The following PKHD1L1 variants were observed in gnomAD, a reference collection of about 807,000 sequenced individuals.
The protein encoded by PKHD1L1 is PKHD1 like 1.
In PKHD1L1, 434 loss-of-function variants were observed where a neutral mutation model predicts 462.9. The ratio of observed to expected loss-of-function variants is 0.94; its 90% confidence interval spans 0.87 to 1.02. The LOEUF (loss-of-function observed/expected upper bound fraction) is 1.02. Ranked by LOEUF, PKHD1L1 falls within the 50% of genes least tolerant of loss-of-function variation. The pLI is 0.00. For synonymous variants in PKHD1L1, 1,781 were observed against 1,750.0 expected (o/e 1.02, Z -0.44); for missense variants, 5,202 against 5,096.1 (o/e 1.02, Z -0.63).
intron 30 of PKHD1L1, among the ~76,000 whole-genome samples, chr8:109,437,092 T>C (rs1407690314): frequency 1.3e-5 from 2 of 152,056 alleles, no homozygotes; most frequent in Non-Finnish European, 2.9e-5. Flanking sequence ...ATTTTTGTAT[T>C]TTTAGTAGAG....
intron 57 of PKHD1L1, among the ~76,000 whole-genome samples, chr8:109,484,029 C>A (rs73704031): frequency 0.015 from 2,250 of 151,894 alleles, 28 homozygotes; most frequent in Middle Eastern, 0.051. Flanking sequence ...CAGTTCCTTT[C>A]TGGTGAGAAC....
chr8:109,427,532 C>T (rs12544851), intron 25 of PKHD1L1, among the ~76,000 whole-genome samples: 45,100 of 151,890 alleles, frequency 0.3, 7,282 homozygotes, highest in Admixed American at 0.43. Context: ...CATTCTACCA[C>T]GAGAGCTGTA....
At chr8:109,428,334 A>G (rs772426289) in intron 25 of PKHD1L1, among the ~76,000 whole-genome samples, 1 of 152,198 alleles carries the variant, frequency 6.6e-6, no homozygotes, top group South Asian at 2.1e-4. Flanking sequence ...TAACTTTCAC[A>G]TTGAACACCA....
intron 10 of PKHD1L1, 24 bp downstream of exon 10, chr8:109,394,509 G>A (rs370573554): frequency 7.0e-7 from 1 of 1,423,102 alleles, no homozygotes; most frequent in Non-Finnish European, 9.5e-7. Flanking sequence ...CTTTCACTCT[G>A]TTGCGGGGGT....
At chr8:109,438,875 T>C (rs1468991251) in intron 31 of PKHD1L1, 22 bp from the exon 32 acceptor site, 8 of 1,520,282 alleles carry the variant, frequency 5.3e-6, no homozygotes, top group African/African-American at 1.4e-5. Context: ...TTTGCATTAT[T>C]TTTTAAATTT....
At chr8:109,364,917 A>C (rs530768459) in intron 2 of PKHD1L1, among the ~76,000 whole-genome samples, 1 of 152,312 alleles carries the variant, frequency 6.6e-6, no homozygotes, top group Non-Finnish European at 1.5e-5. Context: ...CTCAGCAATT[A>C]TTTGCTTTAT....
At chr8:109,448,759 A>C (rs1384735308) in intron 39 of PKHD1L1, among the ~76,000 whole-genome samples, 1 of 152,038 alleles carries the variant, frequency 6.6e-6, no homozygotes. Flanking sequence ...TTTATGTAGC[A>C]AATAAATAAG....
At chr8:109,523,136 A>T in intron 75 of PKHD1L1, 97 bp from the exon 76 acceptor site, 1 of 1,216,262 alleles carries the variant, frequency 8.2e-7, no homozygotes, top group African/African-American at 1.5e-5. Context: ...TTTTCAATTT[A>T]TAATGAGGCA....
In PKHD1L1 at chr8:109,435,319, T is replaced by C; in HGVS notation, c.3470T>C (p.Ile1157Thr). 3 of 1,613,618 alleles carry C rather than the reference T, an allele frequency of 1.9e-6. No homozygotes were observed. The change falls in exon 29 of 78, where the codon ATC becomes ACC. Residue 1157 changes from isoleucine to threonine, a missense_variant. Coordinates refer to ENST00000378402, the MANE Select transcript of PKHD1L1 (RefSeq NM_177531.6). ...TTCTACTTTGTTTATCAGAGTCAGA[T>C]CTCACATATCTGGCCTGATTCTGGA... ...EEFYFVYQSQISHIWPDSGSI... is the reference protein window; with the variant it reads ...EEFYFVYQSQTSHIWPDSGSI...
Position 109,485,123 on chromosome 8 carries a change from A to G in PKHD1L1, c.9656A>G (p.His3219Arg), listed in dbSNP as rs200281064. The G allele has an allele frequency of 1.3e-6, 2 of 1,599,270 alleles. No individual in the cohort carries two copies. Among genetic ancestry groups the G allele is most frequent in the African/African-American group, 2.7e-5 (2 of 74,470 alleles). The change falls in exon 58 of 78, where the codon CAT becomes CGT. Residue 3219 changes from histidine (H) to arginine (R), a missense_variant. By Grantham distance (29) the His-to-Arg change is conservative. Transcript: ENST00000378402. ...TETRSIVKILHDHKILILNDS... is the reference protein window; with the variant it reads ...TETRSIVKILRDHKILILNDS... ...ACAAGAAGTATCGTTAAAATCCTGC[A>G]TGATCATAAAATTCTCATTCTTAAT...
chr8:109,419,336 GC>G (rs1814348696), intron 22 of PKHD1L1, 76 bp downstream of exon 22: 1 of 1,159,194 alleles, frequency 8.6e-7, no homozygotes, highest in Admixed American at 2.7e-5. Context: ...TTTATATTCT[GC>G]AGTATGGATA....
chr8:109,419,205 C>T lies in PKHD1L1; in HGVS notation c.2469C>T (p.Ser823=). The T allele has an allele frequency of 6.2e-7, 1 of 1,612,980 alleles. No individual in the cohort carries two copies. Residue 823 remains serine (S), a synonymous_variant, in exon 22 of 78, where the codon TCC becomes TCT. Transcript: ENST00000378402. ...TACATAAAGCATCAGAATCACAGTC[C>T]TTCTATGTGGATGTAGTGTACATTG... is the stretch of plus-strand genomic sequence containing the variant. The part of the protein sequence containing the change: ...ISLHKASESQ[S]FYVDVVYIGH...
intron 3 of PKHD1L1, among the ~76,000 whole-genome samples, 200 bp from the exon 4 acceptor site, chr8:109,382,263 A>C (rs1812162558): frequency 1.3e-5 from 2 of 152,142 alleles, no homozygotes; most frequent in South Asian, 4.1e-4. Context: ...GAAGTTCATG[A>C]GGTTAGAGTT....
intron 2 of PKHD1L1, among the ~76,000 whole-genome samples, chr8:109,378,856 G>A (rs1156860411): frequency 6.6e-6 from 1 of 152,170 alleles, no homozygotes; most frequent in Non-Finnish European, 1.5e-5. Context: ...TTAGAGAGAG[G>A]CATATGAAGG....
chr8:109,384,138 T>G lies in PKHD1L1; in HGVS notation c.475+11T>G, dbSNP rs771632269. On this transcript the variant is annotated intron_variant, in intron 5 of 77. Transcript: ENST00000378402. ...TATCTGGAACTCCAGGTCTGTTATA[T>G]GACATCTGAAATAACTTTTGGTTTC... 1.2e-5 allele frequency: 19 copies of G among 1,592,856 alleles called. No individual in the cohort carries two copies. Among genetic ancestry groups the G allele is most frequent in the Non-Finnish European group, 1.5e-5 (17 of 1,163,000 alleles).
Position 109,390,432 on chromosome 8 carries a change from G to A in PKHD1L1, c.698-20G>A. 1 of 1,359,290 alleles carries A rather than the reference G, an allele frequency of 7.4e-7. No individual in the cohort carries two copies. Among genetic ancestry groups the A allele is most frequent in the Non-Finnish European group, 9.9e-7 (1 of 1,008,106 alleles). The allele number at this position is 1,359,290 out of a possible 1,614,324, so 84.2% of individuals were successfully genotyped here. Reference sequence around the variant, plus strand: ...TGTGACTGGGAATTTAATTGATTGTGTATTTTCATTAAATTCCAGGTCATC... The same window carrying A: ...TGTGACTGGGAATTTAATTGATTGTATATTTTCATTAAATTCCAGGTCATC... On this transcript the variant is annotated intron_variant, in intron 8 of 77. Coordinates refer to ENST00000378402, the MANE Select transcript of PKHD1L1 (RefSeq NM_177531.6).
At chr8:109,389,396 C>T (rs1274845359) in intron 8 of PKHD1L1, among the ~76,000 whole-genome samples, 1 of 151,978 alleles carries the variant, frequency 6.6e-6, no homozygotes, top group Non-Finnish European at 1.5e-5. Context: ...TTCTTTCTCC[C>T]TACAGCATTC....
intron 46 of PKHD1L1, 63 bp from the exon 47 acceptor site, chr8:109,459,532 C>A (rs1025299396): frequency 1.6e-5 from 21 of 1,298,318 alleles, no homozygotes; most frequent in African/African-American, 7.5e-5. Context: ...AACAAATATA[C>A]CAAAACAATA....
At position 109,438,395 on chromosome 8, in the gene PKHD1L1, T is replaced by C; in HGVS notation, c.3699T>C (p.Ser1233=). The change falls in exon 31 of 78, where the codon AGT becomes AGC. Residue 1233 remains serine (S), a synonymous_variant. Transcript: ENST00000378402. ...GFQATARDAF[S]YNCLQTPIIT... is the part of the protein sequence containing the mutation. The stretch of plus-strand genomic sequence containing the variant: ...AAGCCACAGCAAGGGATGCTTTTAG[T>C]TATAATTGTTTACAGACACCAATTA... 6.5e-7 allele frequency: 1 copy of C among 1,540,180 alleles called. No homozygotes were observed. The highest frequency in any genetic ancestry group is 2.4e-5 in the East Asian group (1 of 40,864).
Sources: allele counts gnomAD v4.1 joint callset (sites outside exome capture counted in the v4.1 genomes callset), GRCh38; gene constraint gnomAD v4.1.1; transcripts MANE v1.5; gene names NCBI Gene and HGNC (gene_info 2026-07-23, HGNC 2026-07-21).